The following PKP1 variants were observed in gnomAD, a reference collection of about 807,000 sequenced individuals.
PKP1 encodes plakophilin-1.
PKP1 carries 27 observed loss-of-function variants against 76.4 expected under a neutral mutation model. The observed-to-expected ratio is 0.35, with a 90% CI of 0.26 to 0.49. PKP1 has a LOEUF of 0.49. Ranked by LOEUF, PKP1 falls within the 20% of genes least tolerant of loss-of-function variation. The pLI is 0.99. For missense variants in PKP1, 964 were observed against 955.2 expected (o/e 1.01, Z -0.12); for synonymous variants, 404 against 384.2 (o/e 1.05, Z -0.60).
chr1:201,327,324 G>A (rs1414756981), intron 12 of PKP1, among the ~76,000 whole-genome samples: 6 of 152,130 alleles, frequency 3.9e-5, no homozygotes, highest in Non-Finnish European at 8.8e-5. Context: ...GCAGAAGGAA[G>A]CCCAGCTCTT....
intron 8 of PKP1, 73 bp from the exon 9 acceptor site, chr1:201,322,940 G>A: frequency 6.7e-7 from 1 of 1,487,328 alleles, no homozygotes; most frequent in Non-Finnish European, 9.3e-7. Context: ...TGGGGGGATG[G>A]GGACAGAATG....
Position 201,292,113 on chromosome 1 carries a change from T to C in PKP1, c.203-1829T>C, listed in dbSNP as rs1655935495. ...AGGCCTGGAGTATAGGGGAGGCCTCTCAGAGGACCCTGAGGCAGGTGGCAA... is the reference window on the plus strand; with the variant it reads ...AGGCCTGGAGTATAGGGGAGGCCTCCCAGAGGACCCTGAGGCAGGTGGCAA... On this transcript the variant is annotated intron_variant, in intron 1 of 13. Coordinates refer to ENST00000367324, the MANE Select transcript of PKP1 (RefSeq NM_001005337.3). Among the ~76,000 whole-genome samples the C allele has an allele frequency of 2.0e-5, 3 of 152,162 alleles. No individual in the cohort carries two copies. In the South Asian group the frequency reaches 6.2e-4, roughly 32 times the overall value.
intron 2 of PKP1, among the ~76,000 whole-genome samples, chr1:201,298,668 T>C (rs1457683473): frequency 6.6e-6 from 1 of 152,204 alleles, no homozygotes; most frequent in Non-Finnish European, 1.5e-5. Flanking sequence ...ACTCCCAGAA[T>C]ATAACAAGGG....
In PKP1 at chr1:201,283,764, C is replaced by T; in HGVS notation, c.62C>T (p.Ser21Phe). Residue 21 changes from serine (S) to phenylalanine (F), a missense_variant, in exon 1 of 14, where the codon TCC becomes TTC. By Grantham distance (155) the Ser-to-Phe change is radical. Coordinates refer to ENST00000367324, the MANE Select transcript of PKP1 (RefSeq NM_001005337.3). ...GAATGCTTCCAGGACCAGGACAACT[C>T]CACGTTGGCTTTGCCGTCGGACCAA... ...AYECFQDQDN[S>F]TLALPSDQKM... 6.2e-7 allele frequency: 1 copy of T among 1,614,194 alleles called. No homozygotes were observed. Among genetic ancestry groups the T allele is most frequent in the Admixed American group, 1.7e-5 (1 of 60,032 alleles).
chr1:201,321,923 A>T, intron 7 of PKP1, 55 bp from the exon 8 acceptor site: 1 of 1,605,946 alleles, frequency 6.2e-7, no homozygotes, highest in Admixed American at 1.7e-5. Flanking sequence ...GTGGTAGGCC[A>T]GGAGCCTGTC....
rs1268370578 is a variant in PKP1, at chr1:201,317,619, C to T, written c.894C>T (p.Ser298=). 12 of 1,613,946 alleles carry T rather than the reference C, an allele frequency of 7.4e-6. No homozygotes were observed. Among genetic ancestry groups the T allele is most frequent in the Non-Finnish European group, 1.0e-5 (12 of 1,180,004 alleles). Residue 298 remains serine (S), a synonymous_variant, in exon 5 of 14, where the codon AGC becomes AGT. Coordinates refer to ENST00000367324, the MANE Select transcript of PKP1 (RefSeq NM_001005337.3). ...GICKLVDLLR[S]PNQNVQQAAA... ...GCAAGCTGGTGGACCTCCTCCGCAG[C>T]CCCAACCAGAACGTCCAGCAGGCCG...
rs867758363 is a variant in PKP1 at position 201,304,358 on chromosome 1, C to T, written c.307-8808C>T. ...TGTGCTCAGTGGTGCGTTTAGAGTA[C>T]CACTAAGGGTGGCTGGAGAGGAACC... On this transcript the variant is annotated intron_variant, in intron 2 of 13. Transcript: ENST00000367324. Among the ~76,000 whole-genome samples, 2 of 152,274 alleles carry T rather than the reference C, an allele frequency of 1.3e-5. 1 individual carries two copies. The highest frequency in any genetic ancestry group is 4.2e-4 in the South Asian group (2 of 4,816).
chr1:201,318,496 G>A, intron 5 of PKP1, 122 bp from the exon 6 acceptor site: 4 of 808,912 alleles, frequency 4.9e-6, no homozygotes, highest in Admixed American at 1.9e-5. Context: ...ACAGACCAGG[G>A]CTACCTGGAA....
rs190489612 is a variant in PKP1 at position 201,306,022 on chromosome 1, G to A, written c.307-7144G>A. Among the ~76,000 whole-genome samples, 142 of 152,308 alleles carry A rather than the reference G, an allele frequency of 9.3e-4. 1 individual carries two copies. The Middle Eastern group carries it at 0.01, about 11-fold the overall frequency. On this transcript the variant is annotated intron_variant, in intron 2 of 13. Coordinates refer to ENST00000367324, the MANE Select transcript of PKP1 (RefSeq NM_001005337.3). ...GAGGGCCAGTGGTCCTCCACCACTCGGGCTGTGAGAGCTGCGTCTGAAGTG... is the reference window on the plus strand; with the variant it reads ...GAGGGCCAGTGGTCCTCCACCACTCAGGCTGTGAGAGCTGCGTCTGAAGTG...
chr1:201,285,135 G>A (rs1284528195), intron 1 of PKP1, among the ~76,000 whole-genome samples: 1 of 151,600 alleles, frequency 6.6e-6, no homozygotes, highest in Admixed American at 6.6e-5. Context: ...CAAGACTTAT[G>A]TATTAAGACA....
intron 3 of PKP1, 109 bp downstream of exon 3, chr1:201,313,669 C>T (rs907807679): frequency 1.7e-6 from 2 of 1,198,846 alleles, no homozygotes; most frequent in African/African-American, 1.5e-5. Context: ...AGAGACATAG[C>T]TTCTGTCCCT....
At chr1:201,318,193 A>G (rs1310123917) in intron 5 of PKP1, among the ~76,000 whole-genome samples, 1 of 152,200 alleles carries the variant, frequency 6.6e-6, no homozygotes, top group Non-Finnish European at 1.5e-5. Context: ...CAAGAGGAAG[A>G]GGTCACCGTG....
Position 201,322,085 on chromosome 1 carries a change from C to T in PKP1, c.1455C>T (p.Thr485=), listed in dbSNP as rs780772450. The part of the protein sequence containing the change: ...QLEYNARNAY[T]EKSSTGCFSN... ...AGTATAACGCCCGCAACGCCTACAC[C>T]GAGAAGTCCTCCACTGGCTGCTTCA... The change falls in exon 8 of 14, where the codon ACC becomes ACT. Residue 485 remains threonine, a synonymous_variant. Coordinates refer to ENST00000367324, the MANE Select transcript of PKP1 (RefSeq NM_001005337.3). The T allele has an allele frequency of 7.6e-5, 123 of 1,613,238 alleles. No homozygotes were observed. Among genetic ancestry groups the T allele is most frequent in the Non-Finnish European group, 9.6e-5 (113 of 1,180,012 alleles).
chr1:201,297,699 C>T (rs1194925781), intron 2 of PKP1, among the ~76,000 whole-genome samples: 4 of 152,114 alleles, frequency 2.6e-5, no homozygotes, highest in South Asian at 2.1e-4. Flanking sequence ...AATATTTGAA[C>T]GTTACAACTA....
At chr1:201,306,906 G>A (rs551667796) in intron 2 of PKP1, among the ~76,000 whole-genome samples, 48 of 152,204 alleles carry the variant, frequency 3.2e-4, no homozygotes, top group Middle Eastern at 3.4e-3. Flanking sequence ...TCCTGACCTC[G>A]TGATCCGCCC....
chr1:201,288,121 A>G (rs533951154), intron 1 of PKP1, among the ~76,000 whole-genome samples: 1 of 152,330 alleles, frequency 6.6e-6, no homozygotes, highest in South Asian at 2.1e-4. Flanking sequence ...CCAGCCTGGC[A>G]TCTACCTGGT....
chr1:201,313,729 G>A (rs1447181775), intron 3 of PKP1, among the ~76,000 whole-genome samples, 169 bp downstream of exon 3: 1 of 152,236 alleles, frequency 6.6e-6, no homozygotes, highest in Non-Finnish European at 1.5e-5. Context: ...GGGAGAACCT[G>A]GCCCCATGGG....
rs868092487 is a variant in PKP1 at position 201,324,972 on chromosome 1, C to T, written c.1866C>T (p.Leu622=). The part of the protein sequence containing the change: ...GNQVFPEVTR[L]LTSHTGNTSN... ...AGGTGTTCCCGGAGGTGACCAGGCT[C>T]CTCACCAGCCACACTGGCAATACCA... is the stretch of plus-strand genomic sequence containing the variant. The change falls in exon 11 of 14, where the codon CTC becomes CTT. Residue 622 remains leucine (L), a synonymous_variant. Transcript: ENST00000367324. The T allele has an allele frequency of 4.3e-6, 7 of 1,613,780 alleles. No individual in the cohort carries two copies. The South Asian group carries it at 7.7e-5, about 18-fold the overall frequency.
chr1:201,319,355 G>A (rs1794869), intron 6 of PKP1, among the ~76,000 whole-genome samples: 3 of 152,200 alleles, frequency 2.0e-5, no homozygotes, highest in Non-Finnish European at 2.9e-5. Flanking sequence ...TGGGTGTGGA[G>A]GGGCGGCTGG....
Sources: gnomAD v4.1 joint callset for allele counts (sites outside exome capture counted in the v4.1 genomes callset) on GRCh38, gnomAD v4.1.1 for gene constraint, MANE v1.5 for transcripts, NCBI Gene and HGNC (gene_info 2026-07-23, HGNC 2026-07-21) for gene names.